The following OPRM1 variants were observed in gnomAD, a reference collection of about 807,000 sequenced individuals.
The protein encoded by OPRM1 is mu-type opioid receptor.
In OPRM1, 27 loss-of-function variants were observed where a neutral mutation model predicts 31.8. The observed-to-expected ratio is 0.85, with a 90% confidence interval of 0.63 to 1.17. OPRM1 has a LOEUF of 1.17. Ranked by LOEUF, OPRM1 falls within the 50% of genes most tolerant of loss-of-function variation. The pLI is 0.00. For synonymous variants in OPRM1, 196 were observed against 189.9 expected (o/e 1.03, Z -0.26); for missense variants, 536 against 511.1 (o/e 1.05, Z -0.47).
chr6:154,011,038 T>G, intron 1 of OPRM1: 1 of 1,289,636 alleles, frequency 7.8e-7, no homozygotes, highest in Non-Finnish European at 1.0e-6. Context: ...AGCTCATTTA[T>G]TTTGTTGAAG....
At chr6:154,224,035 T>C (rs1468237126) in intron 3 of OPRM1, among the ~76,000 whole-genome samples, 2 of 152,248 alleles carry the variant, frequency 1.3e-5, no homozygotes, top group Non-Finnish European at 2.9e-5. Context: ...AAAGTTTAAC[T>C]GAGCCACAAC....
At chr6:154,138,481 T>C (rs1798114526) in intron 3 of OPRM1, among the ~76,000 whole-genome samples, 1 of 152,202 alleles carries the variant, frequency 6.6e-6, no homozygotes, top group Admixed American at 6.5e-5. Flanking sequence ...AAGGCTCATG[T>C]GCCTGCTTTC....
intron 3 of OPRM1, among the ~76,000 whole-genome samples, chr6:154,164,405 A>T (rs1562518378): frequency 6.6e-6 from 1 of 152,232 alleles, no homozygotes; most frequent in Non-Finnish European, 1.5e-5. Context: ...ACAATAATAC[A>T]GAAGAAGGAA....
intron 1 of OPRM1, among the ~76,000 whole-genome samples, chr6:154,014,539 T>C (rs960172287): frequency 3.9e-5 from 6 of 151,968 alleles, no homozygotes; most frequent in Non-Finnish European, 7.4e-5. Context: ...TTAATGACTA[T>C]TGAAGGTAAG....
At chr6:154,230,101 G>A (rs1779606243) in intron 3 of OPRM1, among the ~76,000 whole-genome samples, 1 of 152,120 alleles carries the variant, frequency 6.6e-6, no homozygotes, top group Admixed American at 6.5e-5. Flanking sequence ...GATCTTATTG[G>A]TACAATACCA....
rs1214480210 is a variant in OPRM1 at position 154,168,105 on chromosome 6, T to C, written c.1164+76633T>C. ...TCCATTTCATCATCTTCAGACACTT[T>C]TGTCTCTTCTATTTGAAAAAAAAAA... On this transcript the variant is annotated intron_variant, in intron 3 of 3. Coordinates refer to the OPRM1 transcript ENST00000337049. This position sits in a 1 kb window ranked among gnomAD's most constrained non-coding sequence, Gnocchi z 4.1. The C allele has an allele frequency of 6.5e-7, 1 of 1,541,404 alleles. No individual in the cohort carries two copies. Among genetic ancestry groups the C allele is most frequent in the Admixed American group, 1.9e-5 (1 of 51,830 alleles).
chr6:154,039,559 T>G lies in OPRM1; in HGVS notation c.15T>G (p.Ala5=). 1 of 1,612,006 alleles carries G rather than the reference T, an allele frequency of 6.2e-7. No individual in the cohort carries two copies. Among genetic ancestry groups the G allele is most frequent in the Non-Finnish European group, 8.5e-7 (1 of 1,179,180 alleles). Residue 5 remains alanine, a synonymous_variant, in exon 1 of 4, where the codon GCT becomes GCG. Transcript: ENST00000330432. MDSS[A]APTNASNCTD... ...CCGTCAGTACCATGGACAGCAGCGC[T>G]GCCCCCACGAACGCCAGCAATTGCA...
At chr6:154,102,604 G>C (rs1249477834) in intron 3 of OPRM1, among the ~76,000 whole-genome samples, 1 of 152,102 alleles carries the variant, frequency 6.6e-6, no homozygotes, top group Admixed American at 6.6e-5. Flanking sequence ...AAGATGTTCA[G>C]CAGCATCCTT....
chr6:154,022,702 A>C (rs1778449022), intron 1 of OPRM1, among the ~76,000 whole-genome samples: 1 of 152,042 alleles, frequency 6.6e-6, no homozygotes, highest in South Asian at 2.1e-4. Flanking sequence ...TAAAGTCTTT[A>C]ATTCATTTTG....
intron 1 of OPRM1, among the ~76,000 whole-genome samples, chr6:154,029,488 T>C (rs1778886246): frequency 6.6e-6 from 1 of 152,126 alleles, no homozygotes. Context: ...AATAAAATAA[T>C]ATGAGTACAA....
chr6:154,209,686 A>G (rs1168036037), intron 3 of OPRM1, among the ~76,000 whole-genome samples: 1 of 150,622 alleles, frequency 6.6e-6, no homozygotes, highest in Non-Finnish European at 1.5e-5. Context: ...TTTTTATTTC[A>G]TCTGTTTAAA....
intron 1 of OPRM1, among the ~76,000 whole-genome samples, chr6:154,055,183 T>C (rs1180544614): frequency 6.6e-6 from 1 of 152,126 alleles, no homozygotes. Context: ...AGGTCAGGAC[T>C]TCAAGACCGG....
rs1399706813 is a variant in OPRM1 at position 154,130,650 on chromosome 6, C to T, written c.*11929C>T. Among the ~76,000 whole-genome samples, 3 of 151,636 alleles carry T rather than the reference C, an allele frequency of 2.0e-5. No individual in the cohort carries two copies. Among genetic ancestry groups the T allele is most frequent in the Admixed American group, 6.6e-5 (1 of 15,216 alleles). Reference sequence around the variant, plus strand: ...CTAGTATATATATTCCCTTTATATACTAATTGTATATCCATATAAAAGCAT... The same window carrying T: ...CTAGTATATATATTCCCTTTATATATTAATTGTATATCCATATAAAAGCAT... On this transcript the variant is annotated 3_prime_UTR_variant, in exon 4 of 4. Transcript: ENST00000330432.
At chr6:154,117,064 C>T (rs563078256) in intron 3 of OPRM1, among the ~76,000 whole-genome samples, 2 of 152,300 alleles carry the variant, frequency 1.3e-5, no homozygotes, top group African/African-American at 2.4e-5. Context: ...TTTTATCCCT[C>T]ACCTTTCAAC....
At chr6:154,023,031 TG>T (rs1323665777) in intron 1 of OPRM1, among the ~76,000 whole-genome samples, 1 of 152,086 alleles carries the variant, frequency 6.6e-6, no homozygotes, top group African/African-American at 2.4e-5. Context: ...TTGGCTATTC[TG>T]GGTCTTCTGT....
chr6:154,013,302 T>C (rs907176228), intron 1 of OPRM1, among the ~76,000 whole-genome samples: 2 of 152,194 alleles, frequency 1.3e-5, no homozygotes, highest in African/African-American at 2.4e-5. Flanking sequence ...GAAGAGCTTA[T>C]AAATAGCTAT....
chr6:154,019,951 C>G (rs965256904), intron 1 of OPRM1, among the ~76,000 whole-genome samples: 5 of 152,008 alleles, frequency 3.3e-5, no homozygotes, highest in Non-Finnish European at 5.9e-5. Context: ...CCAGGGTCGT[C>G]TCAAACTCTT....
chr6:154,029,827 C>T (rs939705699), intron 1 of OPRM1, among the ~76,000 whole-genome samples: 1 of 152,112 alleles, frequency 6.6e-6, no homozygotes, highest in Non-Finnish European at 1.5e-5. Flanking sequence ...GGTTTTTCCC[C>T]CTTTGCTCTC....
chr6:154,152,331 G>GAAAAAA (rs748560205), intron 3 of OPRM1, among the ~76,000 whole-genome samples: 1 of 50,640 alleles, frequency 2.0e-5, no homozygotes, highest in Non-Finnish European at 3.6e-5. Flanking sequence ...AAGAAAGAAA[G>GAAAAAA]AAAGAAAGAA....
Sources: allele counts gnomAD v4.1 joint callset (sites outside exome capture counted in the v4.1 genomes callset), GRCh38; gene constraint gnomAD v4.1.1; non-coding constraint Gnocchi (gnomAD v3.1); transcripts MANE v1.5; gene names NCBI Gene and HGNC (gene_info 2026-07-23, HGNC 2026-07-21).